Variants in ANTXRL observed in about 807,000 individuals in gnomAD.
ANTXRL encodes anthrax toxin receptor-like.
A neutral mutation model predicts 75.4 loss-of-function variants in ANTXRL; 63 were observed. The ratio of observed to expected loss-of-function variants is 0.84; its 90% confidence interval spans 0.68 to 1.03. The LOEUF (loss-of-function observed/expected upper bound fraction) is 1.03. ANTXRL is among the 50% of genes least tolerant of loss of function. The pLI, the probability that ANTXRL is intolerant of heterozygous loss-of-function variation, is 0.00. For missense variants in ANTXRL, 797 were observed against 789.4 expected (o/e 1.01, Z -0.12); for synonymous variants, 335 against 291.3 (o/e 1.15, Z -1.53).
At chr10:46,317,489 C>G (rs1025255057) in intron 16 of ANTXRL, among the ~76,000 whole-genome samples, 3 of 152,180 alleles carry the variant, frequency 2.0e-5, no homozygotes, top group Non-Finnish European at 2.9e-5. Flanking sequence ...GACCATGGAG[C>G]TCCTGAGTTC....
intron 16 of ANTXRL, among the ~76,000 whole-genome samples, chr10:46,326,764 T>C (rs1839234614): frequency 6.6e-6 from 1 of 151,822 alleles, no homozygotes; most frequent in Non-Finnish European, 1.5e-5. Context: ...AGGAGGGCAG[T>C]GGTGGGTGGA....
At chr10:46,313,633 C>T (rs1838560294) in intron 16 of ANTXRL, among the ~76,000 whole-genome samples, 1 of 152,038 alleles carries the variant, frequency 6.6e-6, no homozygotes, top group African/African-American at 2.4e-5. Flanking sequence ...TAGGGAGGAC[C>T]AAATTTTTAA....
At chr10:46,308,769 T>C in intron 12 of ANTXRL, 1 of 370,138 alleles carries the variant, frequency 2.7e-6, no homozygotes. Context: ...CTCCTGCCCC[T>C]GCTCCTGTGC....
At chr10:46,315,116 G>A (rs1202744180) in intron 16 of ANTXRL, among the ~76,000 whole-genome samples, 4 of 152,196 alleles carry the variant, frequency 2.6e-5, no homozygotes, top group Non-Finnish European at 5.9e-5. Flanking sequence ...ATGCACTAAA[G>A]AGGATGCATC....
chr10:46,296,661 A>G (rs4617525), intron 5 of ANTXRL, among the ~76,000 whole-genome samples: 61,298 of 151,672 alleles, frequency 0.4, 12,158 homozygotes, highest in Non-Finnish European at 0.48. Flanking sequence ...AGGGCCCCCA[A>G]CTTCCCTCCC....
intron 16 of ANTXRL, among the ~76,000 whole-genome samples, chr10:46,317,982 G>A (rs1055785520): frequency 6.6e-6 from 1 of 152,064 alleles, no homozygotes; most frequent in Non-Finnish European, 1.5e-5. Context: ...CAGATTCAGG[G>A]GGCAGCCACC....
At chr10:46,320,753 T>G (rs546091120) in intron 16 of ANTXRL, among the ~76,000 whole-genome samples, 11 of 152,210 alleles carry the variant, frequency 7.2e-5, no homozygotes, top group African/African-American at 2.6e-4. Context: ...TGTTTGCCCA[T>G]CAGTCTGCAT....
chr10:46,292,280 A>T (rs1837024893), intron 2 of ANTXRL, among the ~76,000 whole-genome samples, 151 bp downstream of exon 2: 1 of 152,114 alleles, frequency 6.6e-6, no homozygotes. Flanking sequence ...AGCAGGAATG[A>T]GGCCAGCACT....
Position 46,313,172 on chromosome 10 carries a change from C to T in ANTXRL, c.1330-64C>T, listed in dbSNP as rs1171113525. The T allele has an allele frequency of 5.0e-6, 7 of 1,392,878 alleles. No individual in the cohort carries two copies. In the East Asian group the frequency reaches 1.7e-4, roughly 35 times the overall value. The allele number at this position is 1,392,878 out of a possible 1,614,324, so 86.3% of individuals were successfully genotyped here. A position where few individuals can be genotyped will look rare whatever the true frequency, so the allele number is the denominator to read the frequency against. ...ACAGAGCTGTGGGGGGCTGGGGAGTCCTGATGCCTTCTGGAGGCAGTGTCC... is the reference window on the plus strand; with the variant it reads ...ACAGAGCTGTGGGGGGCTGGGGAGTTCTGATGCCTTCTGGAGGCAGTGTCC... On this transcript the variant is annotated intron_variant, in intron 15 of 16. Transcript: ENST00000620264.
At chr10:46,301,686 T>G (rs1232801781) in intron 9 of ANTXRL, among the ~76,000 whole-genome samples, 1 of 152,234 alleles carries the variant, frequency 6.6e-6, no homozygotes, top group Non-Finnish European at 1.5e-5. Context: ...ATGTTCAGGC[T>G]TTTAACTGCA....
At chr10:46,326,869 G>A (rs1327483350) in intron 16 of ANTXRL, among the ~76,000 whole-genome samples, 1 of 152,152 alleles carries the variant, frequency 6.6e-6, no homozygotes, top group Non-Finnish European at 1.5e-5. Context: ...TAGACTCTCT[G>A]GTCGCTCTTG....
chr10:46,308,106 C>G (rs1201069327), intron 12 of ANTXRL, among the ~76,000 whole-genome samples: 1 of 152,148 alleles, frequency 6.6e-6, no homozygotes, highest in Non-Finnish European at 1.5e-5. Flanking sequence ...GCTGGAGGGA[C>G]GGGCGGGAGG....
At chr10:46,310,888 C>A (rs1838381538) in intron 14 of ANTXRL, among the ~76,000 whole-genome samples, 1 of 152,092 alleles carries the variant, frequency 6.6e-6, no homozygotes, top group Admixed American at 6.5e-5. Flanking sequence ...AGGTGTGGCT[C>A]CATTTGGCCT....
At chr10:46,294,490 T>G (rs1463760026) in intron 3 of ANTXRL, among the ~76,000 whole-genome samples, 1 of 152,070 alleles carries the variant, frequency 6.6e-6, no homozygotes. Flanking sequence ...GCAGAGTTCC[T>G]GTTTGGCCGG....
intron 10 of ANTXRL, among the ~76,000 whole-genome samples, chr10:46,304,953 G>A (rs541507956): frequency 5.7e-4 from 87 of 152,324 alleles, no homozygotes; most frequent in Non-Finnish European, 5.3e-4. Context: ...CAGCACCGAC[G>A]TCTCACAGTG....
At position 46,313,451 on chromosome 10, in the gene ANTXRL, C is replaced by T. The variant is rs1433696188; in HGVS notation, c.1410+135C>T. On this transcript the variant is annotated intron_variant, in intron 16 of 16. Coordinates refer to ENST00000620264, the MANE Select transcript of ANTXRL (RefSeq NM_001278688.3). The stretch of plus-strand genomic sequence containing the variant: ...GAGGACGGCACAAGACACACAGAAA[C>T]GGTGCCCATGGGCATCCCAGCCAGT... 61 of 930,094 alleles carry T rather than the reference C, an allele frequency of 6.6e-5. No individual in the cohort carries two copies. The Middle Eastern group carries it at 9.1e-4, about 14-fold the overall frequency. The allele number at this position is 930,094 out of a possible 1,614,324, so 57.6% of individuals were successfully genotyped here.
intron 13 of ANTXRL, among the ~76,000 whole-genome samples, chr10:46,309,452 T>C (rs1365798311): frequency 1.3e-5 from 2 of 150,966 alleles, no homozygotes; most frequent in East Asian, 1.9e-4. Flanking sequence ...GGACATGGGG[T>C]TGAGGCCTGC....
At position 46,308,393 on chromosome 10, in the gene ANTXRL, C is replaced by A. The variant is rs571337148; in HGVS notation, c.1045-720C>A. On this transcript the variant is annotated intron_variant, in intron 12 of 16. Coordinates refer to ENST00000620264, the MANE Select transcript of ANTXRL (RefSeq NM_001278688.3). The stretch of plus-strand genomic sequence containing the variant: ...GCCAGCCGGGTTCCCAGCACAGGCC[C>A]CTGCCCCTTCCCTCCCCTCCCCTCC... The A allele has an allele frequency of 7.2e-3, 2,814 of 393,060 alleles. 26 individuals carry two copies. Among genetic ancestry groups the A allele is most frequent in the Non-Finnish European group, 8.6e-3 (1,705 of 198,608 alleles). 24.3% of individuals were successfully genotyped at this position (393,060 alleles called of 1,614,324 possible). A position where few individuals can be genotyped will look rare whatever the true frequency, so the allele number is the denominator to read the frequency against.
intron 16 of ANTXRL, 31 bp from the exon 17 acceptor site, chr10:46,329,568 G>A (rs181541055): frequency 4.3e-5 from 66 of 1,526,818 alleles, no homozygotes; most frequent in African/African-American, 3.4e-4. Context: ...ATGCCATCAC[G>A]GTGACCTTCT....
Sources: gnomAD v4.1 joint callset for allele counts (sites outside exome capture counted in the v4.1 genomes callset) on GRCh38, gnomAD v4.1.1 for gene constraint, MANE v1.5 for transcripts, NCBI Gene and HGNC (gene_info 2026-07-23, HGNC 2026-07-21) for gene names.